Variants in ADAMTS19 observed in about 807,000 individuals in gnomAD.
The protein encoded by ADAMTS19 is A disintegrin and metalloproteinase with thrombospondin motifs 19.
ADAMTS19 carries 93 observed loss-of-function variants against 153.3 expected under a neutral mutation model. The observed-to-expected ratio is 0.61, with a 90% CI of 0.51 to 0.72. The LOEUF is 0.72. Ranked by LOEUF, ADAMTS19 falls within the 30% of genes least tolerant of loss-of-function variation. The probability of loss-of-function intolerance (pLI) is 0.00; values close to 1 mark genes in which losing one functional copy is unlikely to be tolerated. For synonymous variants in ADAMTS19, 600 were observed against 556.6 expected, an observed-to-expected ratio of 1.08 and a Z score of -1.10; for missense variants, 1,482 against 1,552.1, an observed-to-expected ratio of 0.95 and a Z score of 0.76.
intron 3 of ADAMTS19, among the ~76,000 whole-genome samples, chr5:129,525,412 A>C (rs1348101431): frequency 2.6e-5 from 4 of 152,052 alleles, no homozygotes; most frequent in Non-Finnish European, 1.5e-5. Context: ...AGTGAGGTTA[A>C]ACATTTTCCC....
chr5:129,498,483 ATTAC>A (rs1248887620), intron 2 of ADAMTS19, among the ~76,000 whole-genome samples: 5 of 152,150 alleles, frequency 3.3e-5, no homozygotes, highest in South Asian at 2.1e-4. Flanking sequence ...TTATAGCTAT[ATTAC>A]TTATTCTTTA....
At chr5:129,631,028 CATTTGCAT>C (rs1322114565) in intron 10 of ADAMTS19, among the ~76,000 whole-genome samples, 1 of 151,848 alleles carries the variant, frequency 6.6e-6, no homozygotes, top group African/African-American at 2.4e-5. Flanking sequence ...TAAAGACCTA[CATTTGCAT>C]ATACATTGCA....
Position 129,679,903 on chromosome 5 carries a change from A to C in ADAMTS19, c.2646A>C (p.Thr882=). 1.9e-6 allele frequency: 3 copies of C among 1,613,400 alleles called. No homozygotes were observed. Among genetic ancestry groups the C allele is most frequent in the Non-Finnish European group, 2.5e-6 (3 of 1,179,760 alleles). The change falls in exon 17 of 23, where the codon ACA becomes ACC. Residue 882 remains threonine, a synonymous_variant. Transcript: ENST00000274487. ...WEKISAKGPT[T]APLHLLVLLF... is the part of the protein sequence containing the mutation. Reference sequence around the variant, plus strand: ...AGATCTCTGCCAAAGGTCCTACTACAGCACCTTTACATCTTCTGGTATGAG... The same window carrying C: ...AGATCTCTGCCAAAGGTCCTACTACCGCACCTTTACATCTTCTGGTATGAG...
At chr5:129,541,932 A>G (rs1258291505) in intron 6 of ADAMTS19, among the ~76,000 whole-genome samples, 3 of 152,082 alleles carry the variant, frequency 2.0e-5, no homozygotes, top group Non-Finnish European at 4.4e-5. Context: ...GATAAATGAT[A>G]TTTTGTCATT....
At chr5:129,591,113 T>C (rs1374094086) in intron 7 of ADAMTS19, among the ~76,000 whole-genome samples, 1 of 152,112 alleles carries the variant, frequency 6.6e-6, no homozygotes, top group Admixed American at 6.6e-5. Flanking sequence ...CCAACTCCCA[T>C]TGCCTTTCCC....
At chr5:129,467,263 G>A (rs532000134) in intron 2 of ADAMTS19, among the ~76,000 whole-genome samples, 2 of 152,100 alleles carry the variant, frequency 1.3e-5, no homozygotes, top group Non-Finnish European at 2.9e-5. Context: ...ATGGTGTGTG[G>A]CGTATTAAGT....
At chr5:129,731,252 C>A (rs186356458) in intron 21 of ADAMTS19, among the ~76,000 whole-genome samples, 1 of 152,056 alleles carries the variant, frequency 6.6e-6, no homozygotes, top group Non-Finnish European at 1.5e-5. Context: ...GCCACCACAC[C>A]CAGCCTAAGA....
At chr5:129,584,637 T>C (rs1749693126) in intron 7 of ADAMTS19, among the ~76,000 whole-genome samples, 1 of 152,188 alleles carries the variant, frequency 6.6e-6, no homozygotes. Flanking sequence ...ACAGTGGCTT[T>C]GCAGAGCTGA....
chr5:129,585,300 G>A (rs111833396), intron 7 of ADAMTS19, among the ~76,000 whole-genome samples: 4 of 151,824 alleles, frequency 2.6e-5, no homozygotes, highest in South Asian at 2.1e-4. Flanking sequence ...CACTTTCTGC[G>A]TTGATCTGGC....
At chr5:129,575,137 G>A (rs1385629265) in intron 7 of ADAMTS19, among the ~76,000 whole-genome samples, 1 of 151,984 alleles carries the variant, frequency 6.6e-6, no homozygotes, top group Non-Finnish European at 1.5e-5. Flanking sequence ...TGATCACACT[G>A]AGTAGAAAGC....
chr5:129,622,066 C>T, intron 9 of ADAMTS19, 132 bp from the exon 10 acceptor site: 1 of 819,980 alleles, frequency 1.2e-6, no homozygotes, highest in Non-Finnish European at 1.9e-6. Flanking sequence ...AGAATAATTT[C>T]TATGAGTATT....
chr5:129,684,340 A>G, intron 18 of ADAMTS19, 67 bp downstream of exon 18: 1 of 1,553,254 alleles, frequency 6.4e-7, no homozygotes, highest in East Asian at 2.3e-5. Flanking sequence ...ATTGATAATT[A>G]AGACATATCC....
chr5:129,703,943 T>G (rs1447467138), intron 20 of ADAMTS19, among the ~76,000 whole-genome samples: 1 of 152,174 alleles, frequency 6.6e-6, no homozygotes, highest in Non-Finnish European at 1.5e-5. Flanking sequence ...TAATTTTAAT[T>G]TTGATCATAG....
intron 8 of ADAMTS19, among the ~76,000 whole-genome samples, chr5:129,599,089 T>TAA (rs55892109): frequency 2.3e-4 from 34 of 148,848 alleles, no homozygotes; most frequent in Non-Finnish European, 2.5e-4. Flanking sequence ...ATTTATTACT[T>TAA]AAAAAAAAAA....
At chr5:129,541,177 T>A (rs549235056) in intron 6 of ADAMTS19, among the ~76,000 whole-genome samples, 1 of 112,158 alleles carries the variant, frequency 8.9e-6, no homozygotes, top group East Asian at 3.9e-4. Flanking sequence ...ACTAGATTTT[T>A]TTTTTTTTTT....
At chr5:129,688,586 T>C (rs1053648350) in intron 18 of ADAMTS19, among the ~76,000 whole-genome samples, 1 of 152,174 alleles carries the variant, frequency 6.6e-6, no homozygotes, top group Non-Finnish European at 1.5e-5. Flanking sequence ...GCCTAAGAGA[T>C]GAAAATTCTC....
In ADAMTS19 at chr5:129,583,143, G is replaced by T. The variant is rs555763274; in HGVS notation, c.1373-13416G>T. 5.9e-5 allele frequency among the ~76,000 whole-genome samples: 9 copies of T among 152,200 alleles called. No individual in the cohort carries two copies. In the East Asian group the frequency reaches 1.5e-3, roughly 26 times the overall value. ...CTCTCAGCATTTGCTTGTCTGTAAAGGATTTTATTTCTCCTTCACTTATGA... is the reference window on the plus strand; with the variant it reads ...CTCTCAGCATTTGCTTGTCTGTAAATGATTTTATTTCTCCTTCACTTATGA... On this transcript the variant is annotated intron_variant, in intron 7 of 22. Transcript: ENST00000274487.
chr5:129,692,362 C>A (rs1399671954), intron 18 of ADAMTS19, among the ~76,000 whole-genome samples: 1 of 152,028 alleles, frequency 6.6e-6, no homozygotes, highest in Non-Finnish European at 1.5e-5. Context: ...AGCATAATGT[C>A]ATTTCTGCTT....
At chr5:129,592,000 T>C (rs1750156639) in intron 7 of ADAMTS19, among the ~76,000 whole-genome samples, 1 of 152,148 alleles carries the variant, frequency 6.6e-6, no homozygotes, top group African/African-American at 2.4e-5. Context: ...AGAGATTCAA[T>C]TGACTTCTTG....
Sources: gnomAD v4.1 joint callset for allele counts (sites outside exome capture counted in the v4.1 genomes callset) on GRCh38, gnomAD v4.1.1 for gene constraint, MANE v1.5 for transcripts, NCBI Gene and HGNC (gene_info 2026-07-23, HGNC 2026-07-21) for gene names.